Variants in RBM25 observed in about 807,000 individuals in gnomAD.
The protein encoded by RBM25 is RNA binding motif protein 25.
In RBM25, 19 loss-of-function variants were observed where a neutral mutation model predicts 120.7. The ratio of observed to expected loss-of-function variants is 0.16; its 90% CI spans 0.11 to 0.23. RBM25 has a LOEUF of 0.23. RBM25 is among the 10% of genes least tolerant of loss of function. The pLI is 1.00. For missense variants in RBM25, 605 were observed against 1,041.5 expected, an observed-to-expected ratio of 0.58 and a Z score of 5.77; for synonymous variants, 390 against 326.7, an observed-to-expected ratio of 1.19 and a Z score of -2.09.
chr14:73,080,211 ATCTTT>A (rs1895525187), intron 4 of RBM25, among the ~76,000 whole-genome samples: 1 of 90,228 alleles, frequency 1.1e-5, no homozygotes, highest in Admixed American at 1.2e-4. Flanking sequence ...ATTCTTACAC[ATCTTT>A]TTTTTTTTTT....
At position 73,071,557 on chromosome 14, in the gene RBM25, TCAA is replaced by T. The variant is rs750877343; in HGVS notation, c.-15-66_-15-64del. 803 of 1,099,916 alleles carry T rather than the reference TCAA, an allele frequency of 7.3e-4. 3 individuals carry two copies. The highest frequency in any genetic ancestry group is 5.9e-3 in the East Asian group (239 of 40,196). 68.1% of individuals were successfully genotyped at this position (1,099,916 alleles called of 1,614,324 possible). ...TTTGCAGATACTCTAAAAATGAAAG[TCAA>T]CAAAGAAGGCATATAAAATTGTGAC... On this transcript the variant is annotated intron_variant, in intron 1 of 18. Coordinates refer to ENST00000261973, the MANE Select transcript of RBM25 (RefSeq NM_021239.3).
intron 2 of RBM25, among the ~76,000 whole-genome samples, chr14:73,075,839 T>G (rs1473135050): frequency 4.0e-5 from 6 of 150,542 alleles, no homozygotes; most frequent in Non-Finnish European, 7.4e-5. Context: ...GAGAACGGGG[T>G]CTCACTATTT....
intron 6 of RBM25, among the ~76,000 whole-genome samples, chr14:73,096,104 A>G (rs1460368680): frequency 6.6e-6 from 1 of 151,950 alleles, no homozygotes; most frequent in African/African-American, 2.4e-5. Flanking sequence ...CAGCCTCCCG[A>G]GGAGCTGGAA....
intron 10 of RBM25, among the ~76,000 whole-genome samples, chr14:73,104,880 G>A (rs561254108): frequency 5.9e-5 from 9 of 152,036 alleles, no homozygotes; most frequent in Admixed American, 1.3e-4. Context: ...TGCTAGAACT[G>A]GAAACCCAGA....
At chr14:73,109,284 T>C in intron 13 of RBM25, 58 bp from the exon 14 acceptor site, 2 of 1,545,626 alleles carry the variant, frequency 1.3e-6, no homozygotes, top group Middle Eastern at 3.5e-4. Flanking sequence ...GGAGATGTCA[T>C]GTTTACTTCT....
rs143701813 is a variant in RBM25 at position 73,088,047 on chromosome 14, A to G, written c.429A>G (p.Ala143=). The G allele has an allele frequency of 2.1e-5, 34 of 1,614,168 alleles. No homozygotes were observed. In the African/African-American group the frequency reaches 4.1e-4, roughly 20 times the overall value. The change falls in exon 6 of 19, where the codon GCA becomes GCG. Residue 143 remains alanine, a synonymous_variant. Transcript: ENST00000261973. Reference sequence around the variant, plus strand: ...AGGAGCCAGAATCTACCCTCCGTGCACTCAGATTATTACATGACCTGCAAA... The same window carrying G: ...AGGAGCCAGAATCTACCCTCCGTGCGCTCAGATTATTACATGACCTGCAAA... ...EYKEPESTLR[A]LRLLHDLQIG...
At chr14:73,064,114 T>A (rs954891156) in intron 1 of RBM25, among the ~76,000 whole-genome samples, 2 of 151,544 alleles carry the variant, frequency 1.3e-5, no homozygotes, top group Non-Finnish European at 3.0e-5. Context: ...GCCTAATCGC[T>A]GTATTTAAAA....
intron 7 of RBM25, among the ~76,000 whole-genome samples, chr14:73,098,193 A>C (rs1260084735): frequency 6.6e-6 from 1 of 152,194 alleles, no homozygotes; most frequent in African/African-American, 2.4e-5. Context: ...ATGGTGGCGC[A>C]ATTACGGCTC....
intron 9 of RBM25, 67 bp from the exon 10 acceptor site, chr14:73,103,125 G>T: frequency 6.5e-7 from 1 of 1,549,742 alleles, no homozygotes; most frequent in Non-Finnish European, 8.7e-7. Flanking sequence ...ACTGGGCTTT[G>T]CGCCGGGAAA....
chr14:73,072,512 A>G (rs920958752), intron 2 of RBM25, among the ~76,000 whole-genome samples: 3 of 152,220 alleles, frequency 2.0e-5, no homozygotes, highest in Admixed American at 6.5e-5. Context: ...AAAAATGTTC[A>G]GACCCTGCTC....
chr14:73,095,931 C>G (rs956349477), intron 6 of RBM25, among the ~76,000 whole-genome samples: 2 of 152,062 alleles, frequency 1.3e-5, no homozygotes, highest in Non-Finnish European at 2.9e-5. Context: ...ACATTAGAAG[C>G]CAACAATTTT....
intron 1 of RBM25, chr14:73,058,914 G>C (rs1380381626): frequency 3.3e-5 from 5 of 152,288 alleles, no homozygotes; most frequent in Non-Finnish European, 7.3e-5. Flanking sequence ...GCCGTAGCTG[G>C]TGGAGGCCAG....
chr14:73,066,646 C>A (rs1217563389), intron 1 of RBM25, among the ~76,000 whole-genome samples: 19 of 121,476 alleles, frequency 1.6e-4, no homozygotes, highest in African/African-American at 4.0e-4. Context: ...GACTCCATCT[C>A]AAAAAAAAAA....
At chr14:73,117,539 G>T (rs561016976) in intron 18 of RBM25, among the ~76,000 whole-genome samples, 1 of 151,890 alleles carries the variant, frequency 6.6e-6, no homozygotes, top group East Asian at 1.9e-4. Context: ...TCTCTTCCCA[G>T]GTATTTATTA....
intron 2 of RBM25, among the ~76,000 whole-genome samples, chr14:73,074,915 C>A (rs1026026855): frequency 1.3e-5 from 2 of 151,074 alleles, no homozygotes; most frequent in Non-Finnish European, 1.5e-5. Context: ...CGTGTTGGCT[C>A]AAGCGATGTG....
intron 2 of RBM25, among the ~76,000 whole-genome samples, chr14:73,075,324 A>G (rs1895392054): frequency 6.6e-6 from 1 of 151,742 alleles, no homozygotes; most frequent in Admixed American, 6.6e-5. Flanking sequence ...ACGCCTGGCT[A>G]ATTTTTGTAT....
chr14:73,102,929 A>G lies in RBM25; in HGVS notation c.868-263A>G, dbSNP rs929566425. On this transcript the variant is annotated intron_variant, in intron 9 of 18. Coordinates refer to ENST00000261973, the MANE Select transcript of RBM25 (RefSeq NM_021239.3). The stretch of plus-strand genomic sequence containing the variant: ...TGGTCATTTTAGTTAGTACATAGTC[A>G]TTGAGTGGCCAGCCACACCTGACAC... The G allele has an allele frequency of 7.2e-5, 36 of 501,906 alleles. No individual in the cohort carries two copies. The Middle Eastern group carries it at 1.7e-3, about 24-fold the overall frequency. The allele number at this position is 501,906 out of a possible 1,614,324, so 31.1% of individuals were successfully genotyped here.
At chr14:73,119,682 T>TA in intron 18 of RBM25, 31 bp from the exon 19 acceptor site, 1 of 1,609,128 alleles carries the variant, frequency 6.2e-7, no homozygotes, top group South Asian at 1.1e-5. Flanking sequence ...TTGCTTCTCT[T>TA]ACATGTGTTG....
At chr14:73,100,252 T>C (rs1896031950) in intron 9 of RBM25, 1 of 652,152 alleles carries the variant, frequency 1.5e-6, no homozygotes, top group Non-Finnish European at 2.8e-6. Flanking sequence ...GGAAGAACTG[T>C]AAATTCCCAT....
Sources: allele counts gnomAD v4.1 joint callset (sites outside exome capture counted in the v4.1 genomes callset), GRCh38; gene constraint gnomAD v4.1.1; transcripts MANE v1.5; gene names NCBI Gene and HGNC (gene_info 2026-07-23, HGNC 2026-07-21).